The following KIAA1217 variants were observed in gnomAD, a reference collection of about 807,000 sequenced individuals.
KIAA1217 encodes KIAA1217.
KIAA1217 carries 88 observed loss-of-function variants against 163.9 expected under a neutral mutation model. The ratio of observed to expected loss-of-function variants is 0.54; its 90% CI spans 0.45 to 0.64. The LOEUF is 0.64. Ranked by LOEUF, KIAA1217 falls within the 30% of genes least tolerant of loss-of-function variation. The pLI is 0.00. For missense variants in KIAA1217, 2,372 were observed against 2,475.0 expected, an observed-to-expected ratio of 0.96 and a Z score of 0.88; for synonymous variants, 903 against 923.1, an observed-to-expected ratio of 0.98 and a Z score of 0.39.
intron 1 of KIAA1217, among the ~76,000 whole-genome samples, chr10:23,896,316 G>C (rs950637271): frequency 6.6e-6 from 1 of 151,892 alleles, no homozygotes; most frequent in African/African-American, 2.4e-5. Flanking sequence ...CAAGTAAAAA[G>C]CACTTCTGCA....
chr10:24,520,919 C>A (rs1333738044), intron 11 of KIAA1217, among the ~76,000 whole-genome samples: 1 of 149,020 alleles, frequency 6.7e-6, no homozygotes, highest in African/African-American at 2.5e-5. Context: ...TAACCAGGCA[C>A]GGTGGCTCAC....
intron 2 of KIAA1217, among the ~76,000 whole-genome samples, chr10:24,341,309 C>G (rs889023997): frequency 2.6e-5 from 4 of 151,980 alleles, no homozygotes; most frequent in African/African-American, 9.7e-5. Context: ...GTGATTAAAT[C>G]CTTCATTGGG....
At chr10:23,953,193 T>A (rs2131358834) in intron 1 of KIAA1217, among the ~76,000 whole-genome samples, 1 of 152,354 alleles carries the variant, frequency 6.6e-6, no homozygotes, top group South Asian at 2.1e-4. Context: ...GTCAGCCCAA[T>A]GTTCTAACAG....
chr10:24,405,552 A>G (rs576490836), intron 3 of KIAA1217, among the ~76,000 whole-genome samples: 1 of 152,212 alleles, frequency 6.6e-6, no homozygotes, highest in South Asian at 2.1e-4. Context: ...TATTTTCTAG[A>G]AGGAGACTGA....
At chr10:24,360,201 C>A (rs190393389) in intron 2 of KIAA1217, among the ~76,000 whole-genome samples, 1 of 151,896 alleles carries the variant, frequency 6.6e-6, no homozygotes, top group Non-Finnish European at 1.5e-5. Context: ...CACACGCCAC[C>A]ATACCCGGCT....
chr10:24,146,529 T>A (rs1324657815), intron 2 of KIAA1217, among the ~76,000 whole-genome samples: 1 of 151,824 alleles, frequency 6.6e-6, no homozygotes, highest in African/African-American at 2.4e-5. Context: ...CTACAAAAAA[T>A]ACAAAAGTTA....
intron 9 of KIAA1217, among the ~76,000 whole-genome samples, chr10:24,505,515 C>T (rs747201686): frequency 6.6e-6 from 1 of 151,968 alleles, no homozygotes; most frequent in Non-Finnish European, 1.5e-5. Flanking sequence ...TTGGATTTTA[C>T]CAAAGTCATC....
At chr10:23,779,339 T>G (rs1265807381) in intron 1 of KIAA1217, among the ~76,000 whole-genome samples, 1 of 152,202 alleles carries the variant, frequency 6.6e-6, no homozygotes, top group Non-Finnish European at 1.5e-5. Context: ...CTCCTTTTCT[T>G]TCTTCATCGT....
At chr10:24,530,408 G>A (rs994243335) in intron 14 of KIAA1217, among the ~76,000 whole-genome samples, 2 of 152,260 alleles carry the variant, frequency 1.3e-5, no homozygotes, top group East Asian at 3.9e-4. Context: ...CCAGAGATGT[G>A]TAAAGGTAGC....
chr10:24,382,811 G>T (rs4434904), intron 3 of KIAA1217, among the ~76,000 whole-genome samples: 77,295 of 149,650 alleles, frequency 0.52, 22,506 homozygotes, highest in African/African-American at 0.8. Flanking sequence ...GGGGCTTTCT[G>T]TGTGGATTCA....
At chr10:24,143,025 A>C (rs1253755922) in intron 2 of KIAA1217, among the ~76,000 whole-genome samples, 1 of 152,242 alleles carries the variant, frequency 6.6e-6, no homozygotes, top group Non-Finnish European at 1.5e-5. Context: ...AATAGCAGTG[A>C]GCAATTTACT....
At chr10:23,856,529 C>T (rs1839674783) in intron 1 of KIAA1217, among the ~76,000 whole-genome samples, 1 of 152,232 alleles carries the variant, frequency 6.6e-6, no homozygotes, top group Non-Finnish European at 1.5e-5. Context: ...GGGAGAACCA[C>T]TGCTCTCTTC....
At chr10:23,974,390 G>T (rs1043871638) in intron 1 of KIAA1217, among the ~76,000 whole-genome samples, 1 of 152,048 alleles carries the variant, frequency 6.6e-6, no homozygotes, top group Admixed American at 6.5e-5. Context: ...TTATTTCAAC[G>T]GTGTGATATT....
chr10:24,279,718 T>C (rs1285435543), intron 2 of KIAA1217, among the ~76,000 whole-genome samples: 1 of 152,196 alleles, frequency 6.6e-6, no homozygotes, highest in Non-Finnish European at 1.5e-5. Context: ...ACATTCAAAA[T>C]AGAAGCACAG....
At chr10:24,274,047 A>G (rs979468558) in intron 2 of KIAA1217, among the ~76,000 whole-genome samples, 1 of 152,206 alleles carries the variant, frequency 6.6e-6, no homozygotes, top group African/African-American at 2.4e-5. Context: ...CATATCCAGT[A>G]AGTAATAAGG....
chr10:24,089,552 A>G lies in KIAA1217; in HGVS notation c.-171+82178A>G, dbSNP rs577592633. Among the ~76,000 whole-genome samples the G allele has an allele frequency of 1.3e-4, 20 of 151,004 alleles. 2 individuals are homozygous for G. The highest frequency in any genetic ancestry group is 4.6e-4 in the African/African-American group (19 of 41,116). Reference sequence around the variant, plus strand: ...TCCTGGCACCATTTATTAAATAGGGAATCCTTTCCCCATTGCTTGTTTTTG... The same window carrying G: ...TCCTGGCACCATTTATTAAATAGGGGATCCTTTCCCCATTGCTTGTTTTTG... On this transcript the variant is annotated intron_variant, in intron 2 of 18. Transcript: ENST00000376462.
chr10:24,311,390 C>G (rs941947733), intron 2 of KIAA1217, among the ~76,000 whole-genome samples: 1 of 152,164 alleles, frequency 6.6e-6, no homozygotes, highest in Non-Finnish European at 1.5e-5. Context: ...GAGCTGCACA[C>G]ATTGACTTGA....
At chr10:24,140,126 G>A (rs1238723919) in intron 2 of KIAA1217, among the ~76,000 whole-genome samples, 3 of 151,914 alleles carry the variant, frequency 2.0e-5, no homozygotes, top group East Asian at 1.9e-4. Context: ...TTGGGAGGCC[G>A]AGGCGGGTGG....
chr10:24,319,454 CAG>C (rs2043848800), intron 2 of KIAA1217, among the ~76,000 whole-genome samples: 2 of 144,706 alleles, frequency 1.4e-5, no homozygotes, highest in Non-Finnish European at 3.0e-5. Flanking sequence ...ACTAGAGACA[CAG>C]GGAAAAATTG....
Sources: gnomAD v4.1 joint callset for allele counts (sites outside exome capture counted in the v4.1 genomes callset) on GRCh38, gnomAD v4.1.1 for gene constraint, MANE v1.5 for transcripts, NCBI Gene and HGNC (gene_info 2026-07-23, HGNC 2026-07-21) for gene names.